HLF: variants seen among roughly 807,000 people sequenced by gnomAD.
HLF encodes the protein hepatic leukemia factor.
HLF carries 3 observed loss-of-function variants against 22.6 expected under a neutral mutation model. That is an observed-to-expected ratio of 0.13 (90% CI 0.06 to 0.34). The LOEUF (loss-of-function observed/expected upper bound fraction) is 0.34, where lower values mean the gene tolerates loss of function less well. Ranked by LOEUF, HLF falls within the 10% of genes least tolerant of loss-of-function variation. The pLI is 1.00. For synonymous variants in HLF, 151 were observed against 151.8 expected (o/e 0.99, Z 0.04); for missense variants, 299 against 389.2 (o/e 0.77, Z 1.95).
Position 55,315,280 on chromosome 17 carries a change from A to G in HLF, c.505A>G (p.Ile169Val). 1.9e-6 allele frequency: 3 copies of G among 1,614,198 alleles called. No homozygotes were observed. The highest frequency in any genetic ancestry group is 2.5e-6 in the Non-Finnish European group (3 of 1,180,004). The change falls in exon 3 of 4, where the codon ATC (isoleucine) becomes GTC (valine). Residue 169 changes from isoleucine (I) to valine (V), a missense_variant. Ile to Val is a conservative substitution (Grantham distance 29). This residue lies in a region of HLF where 224 missense variants were observed against 298.1 expected (regional missense o/e 0.75). Transcript: ENST00000226067. Reference protein sequence around the residue: ...NTPSPIDPDTIQVPVGYEPDP... With the variant: ...NTPSPIDPDTVQVPVGYEPDP... ...ACCAAGTCCCATTGATCCTGACACC[A>G]TCCAGGTCCCAGTGGGTTATGAGCC...
At chr17:55,279,935 G>A (rs1436268474) in intron 2 of HLF, among the ~76,000 whole-genome samples, 1 of 151,528 alleles carries the variant, frequency 6.6e-6, no homozygotes, top group African/African-American at 2.4e-5. Flanking sequence ...CACCAGAGAG[G>A]ATGTCATCGG....
At position 55,315,344 on chromosome 17, in the gene HLF, A is replaced by G; in HGVS notation, c.569A>G (p.Gln190Arg). 1 of 1,614,194 alleles carries G rather than the reference A, an allele frequency of 6.2e-7. No individual in the cohort carries two copies. Among genetic ancestry groups the G allele is most frequent in the Non-Finnish European group, 8.5e-7 (1 of 1,180,024 alleles). Residue 190 changes from glutamine to arginine, a missense_variant, in exon 3 of 4, where the codon CAG becomes CGG. Coordinates refer to ENST00000226067, the MANE Select transcript of HLF (RefSeq NM_002126.5). ...CTTGCCCTTTCCAGCATCCCTGGCC[A>G]GGAAATGTTTGACCCTCGCAAACGC... ...ADLALSSIPGQEMFDPRKRKF... is the reference protein window; with the variant it reads ...ADLALSSIPGREMFDPRKRKF...
intron 2 of HLF, among the ~76,000 whole-genome samples, chr17:55,277,233 TTATGTGTATG>T (rs747997635): frequency 0.14 from 19,843 of 138,182 alleles, 1,784 homozygotes; most frequent in Non-Finnish European, 0.19. Flanking sequence ...GAACCAGATG[TTATGTGTATG>T]TGTGTGTGTG....
chr17:55,268,164 C>T, intron 2 of HLF, 78 bp downstream of exon 2: 1 of 1,025,866 alleles, frequency 9.7e-7, no homozygotes, highest in South Asian at 1.6e-5. Flanking sequence ...TTAGCATAAA[C>T]ATCTTAACAC....
intron 2 of HLF, among the ~76,000 whole-genome samples, chr17:55,274,385 A>C (rs1168502306): frequency 6.6e-6 from 1 of 152,108 alleles, no homozygotes; most frequent in Non-Finnish European, 1.5e-5. Flanking sequence ...TGTGGGTGAG[A>C]ATATTGGTCA....
intron 3 of HLF, among the ~76,000 whole-genome samples, chr17:55,317,050 C>T (rs977443771): frequency 1.4e-5 from 2 of 146,826 alleles, no homozygotes; most frequent in African/African-American, 5.1e-5. Flanking sequence ...TCACTGCAAG[C>T]TCCGCCTCCC....
intron 2 of HLF, among the ~76,000 whole-genome samples, chr17:55,314,681 C>CT (rs961923611): frequency 3.9e-5 from 6 of 152,156 alleles, no homozygotes; most frequent in African/African-American, 7.2e-5. Flanking sequence ...CTAGAATACC[C>CT]TTTTTTTGCT....
chr17:55,289,618 T>A (rs1179703532), intron 2 of HLF, among the ~76,000 whole-genome samples: 1 of 152,210 alleles, frequency 6.6e-6, no homozygotes, highest in African/African-American at 2.4e-5. Flanking sequence ...TGAGAATGAC[T>A]TAAAATACAG....
At chr17:55,317,734 T>C (rs947666103) in intron 3 of HLF, among the ~76,000 whole-genome samples, 7 of 152,146 alleles carry the variant, frequency 4.6e-5, no homozygotes, top group Admixed American at 2.0e-4. Context: ...CCCCCAGCAT[T>C]GGACAAGTAA....
rs952680596 is a variant in HLF, at chr17:55,310,775, A to G, written c.452-4452A>G. Among the ~76,000 whole-genome samples the G allele has an allele frequency of 2.6e-5, 4 of 152,244 alleles. No individual in the cohort carries two copies. In the South Asian group the frequency reaches 6.2e-4, roughly 24 times the overall value. On this transcript the variant is annotated intron_variant, in intron 2 of 3. Coordinates refer to ENST00000226067, the MANE Select transcript of HLF (RefSeq NM_002126.5). The stretch of plus-strand genomic sequence containing the variant: ...TTAGAACTATTAGAACTAATAAGAA[A>G]GTAAAGTGGCTGGATATAAACCAGT...
intron 2 of HLF, among the ~76,000 whole-genome samples, chr17:55,270,384 A>G (rs1233788462): frequency 6.6e-6 from 1 of 152,230 alleles, no homozygotes; most frequent in Non-Finnish European, 1.5e-5. Context: ...CTGTTCATAG[A>G]TTGTTGATCA....
chr17:55,297,738 C>CTTTTTTTTTTTT (rs34900287), intron 2 of HLF, among the ~76,000 whole-genome samples: 1 of 62,890 alleles, frequency 1.6e-5, no homozygotes, highest in Non-Finnish European at 2.7e-5. Flanking sequence ...AACAGCATTT[C>CTTTTTTTTTTTT]TTTTTTTTTT....
rs1264225789 is a variant in HLF, at chr17:55,322,972, A to G, written c.*2093A>G. 1 of 223,350 alleles carries G rather than the reference A, an allele frequency of 4.5e-6. No homozygotes were observed. Among genetic ancestry groups the G allele is most frequent in the African/African-American group, 2.2e-5 (1 of 44,814 alleles). The allele number at this position is 223,350 out of a possible 1,614,324, so 13.8% of individuals were successfully genotyped here. Reference sequence around the variant, plus strand: ...GAAACATTTTACGCTAGATTAAAATATCCTTTCATCAATGGGATTTTCTAG... The same window carrying G: ...GAAACATTTTACGCTAGATTAAAATGTCCTTTCATCAATGGGATTTTCTAG... On this transcript the variant is annotated 3_prime_UTR_variant, in exon 4 of 4. Coordinates refer to ENST00000226067, the MANE Select transcript of HLF (RefSeq NM_002126.5).
At chr17:55,281,374 G>A (rs1350461782) in intron 2 of HLF, among the ~76,000 whole-genome samples, 3 of 152,126 alleles carry the variant, frequency 2.0e-5, no homozygotes, top group East Asian at 1.9e-4. Context: ...TTAGCCAGGC[G>A]TGGTAGCAGG....
At chr17:55,267,480 G>A (rs1202777697) in intron 1 of HLF, 1 of 371,896 alleles carries the variant, frequency 2.7e-6, no homozygotes, top group Non-Finnish European at 4.8e-6. Flanking sequence ...TGCTGAGACT[G>A]TTCTCTGGTT....
intron 2 of HLF, among the ~76,000 whole-genome samples, chr17:55,269,814 C>T (rs1181178070): frequency 6.6e-6 from 1 of 152,192 alleles, no homozygotes; most frequent in African/African-American, 2.4e-5. Flanking sequence ...TATAACCCTT[C>T]CTCTGGAGAG....
In HLF at chr17:55,303,498, A is replaced by G. The variant is rs1473921087; in HGVS notation, c.452-11729A>G. Among the ~76,000 whole-genome samples, 8 of 152,196 alleles carry G rather than the reference A, an allele frequency of 5.3e-5. No homozygotes were observed. In the East Asian group the frequency reaches 1.5e-3, roughly 29 times the overall value. On this transcript the variant is annotated intron_variant, in intron 2 of 3. Coordinates refer to ENST00000226067, the MANE Select transcript of HLF (RefSeq NM_002126.5). ...AGAAGCATGGCATTGTTACCAGGTGATAGGGCTCATTGTCCAGTGCACTAG... is the reference window on the plus strand; with the variant it reads ...AGAAGCATGGCATTGTTACCAGGTGGTAGGGCTCATTGTCCAGTGCACTAG...
intron 2 of HLF, among the ~76,000 whole-genome samples, chr17:55,299,877 A>G (rs2081141737): frequency 6.6e-6 from 1 of 151,630 alleles, no homozygotes; most frequent in Non-Finnish European, 1.5e-5. Context: ...CCTGTTGCCT[A>G]GGCTGGAGTG....
At chr17:55,308,720 A>G (rs957310252) in intron 2 of HLF, among the ~76,000 whole-genome samples, 9 of 152,246 alleles carry the variant, frequency 5.9e-5, no homozygotes, top group Admixed American at 4.6e-4. Flanking sequence ...CTCTCCCCCT[A>G]TGCAATAACT....
Sources: gnomAD v4.1 joint callset for allele counts (sites outside exome capture counted in the v4.1 genomes callset) on GRCh38, gnomAD v4.1.1 for gene constraint, gnomAD v4.1.1 regional missense constraint, MANE v1.5 for transcripts, NCBI Gene and HGNC (gene_info 2026-07-23, HGNC 2026-07-21) for gene names.